ADAMTSL3: variants seen among roughly 807,000 people sequenced by gnomAD.
The protein encoded by ADAMTSL3 is ADAMTS-like protein 3.
ADAMTSL3 carries 128 observed loss-of-function variants against 201.7 expected under a neutral mutation model. The observed-to-expected ratio is 0.63, with a 90% CI of 0.55 to 0.73. ADAMTSL3 has a LOEUF of 0.73. ADAMTSL3 is among the 30% of genes least tolerant of loss of function. The probability of loss-of-function intolerance (pLI) is 0.00; values close to 1 mark genes in which losing one functional copy is unlikely to be tolerated. For synonymous variants in ADAMTSL3, 738 were observed against 748.4 expected (o/e 0.99, Z 0.23); for missense variants, 1,990 against 2,119.6 (o/e 0.94, Z 1.20).
chr15:83,742,200 T>A (rs1189952488), intron 3 of ADAMTSL3, among the ~76,000 whole-genome samples: 1 of 152,108 alleles, frequency 6.6e-6, no homozygotes, highest in Non-Finnish European at 1.5e-5. Flanking sequence ...TCTAGCCACT[T>A]GTAAATTGAA....
chr15:83,658,288 C>T (rs1233710073), intron 2 of ADAMTSL3, among the ~76,000 whole-genome samples: 7 of 152,026 alleles, frequency 4.6e-5, no homozygotes, highest in Non-Finnish European at 8.8e-5. Context: ...TTTGTATTAT[C>T]GGTAGAGATG....
At chr15:83,942,520 C>T in intron 17 of ADAMTSL3, 76 bp from the exon 18 acceptor site, 1 of 1,399,226 alleles carries the variant, frequency 7.1e-7, no homozygotes. Context: ...AGGAGAGCTT[C>T]ACGTTGTTCA....
chr15:83,900,262 C>T (rs1439143658), intron 15 of ADAMTSL3, among the ~76,000 whole-genome samples: 1 of 152,146 alleles, frequency 6.6e-6, no homozygotes. Flanking sequence ...ATAAAAGGAG[C>T]AGGTTGGGCT....
At chr15:83,855,505 A>G (rs1490017575) in intron 7 of ADAMTSL3, among the ~76,000 whole-genome samples, 1 of 152,274 alleles carries the variant, frequency 6.6e-6, no homozygotes, top group Middle Eastern at 3.4e-3. Context: ...AGGTCAAATA[A>G]TAATTGGGAA....
chr15:83,952,051 T>C (rs966713380), intron 19 of ADAMTSL3, among the ~76,000 whole-genome samples: 8 of 152,162 alleles, frequency 5.3e-5, no homozygotes, highest in Non-Finnish European at 1.2e-4. Context: ...TGTTAGGTTG[T>C]TTACTTGAAG....
intron 3 of ADAMTSL3, among the ~76,000 whole-genome samples, chr15:83,729,061 G>A (rs2062225223): frequency 6.6e-6 from 1 of 151,954 alleles, no homozygotes; most frequent in Non-Finnish European, 1.5e-5. Context: ...TCTTTCAGCA[G>A]TTTACATATG....
At position 84,038,020 on chromosome 15, in the gene ADAMTSL3, A is replaced by G. The variant is rs2068542223; in HGVS notation, c.*214A>G. ...ATTTTTTAAAATGATGTATTCAAGG[A>G]TGAACAAAATACTATAGCATGCATG... On this transcript the variant is annotated 3_prime_UTR_variant, in exon 30 of 30. Coordinates refer to ENST00000286744, the MANE Select transcript of ADAMTSL3 (RefSeq NM_207517.3). 3.0e-6 allele frequency: 2 copies of G among 665,090 alleles called. No individual in the cohort carries two copies. The highest frequency in any genetic ancestry group is 4.8e-6 in the Non-Finnish European group (2 of 419,394). 41.2% of individuals were successfully genotyped at this position (665,090 alleles called of 1,614,324 possible).
intron 6 of ADAMTSL3, among the ~76,000 whole-genome samples, chr15:83,826,043 A>G (rs1567171594): frequency 1.3e-5 from 2 of 152,206 alleles, no homozygotes; most frequent in Non-Finnish European, 2.9e-5. Context: ...AGTATGGGAT[A>G]ACAAGAGCTT....
chr15:83,892,762 G>C lies in ADAMTSL3; in HGVS notation c.1341G>C (p.Glu447Asp), dbSNP rs761697987. The C allele has an allele frequency of 1.2e-6, 2 of 1,614,122 alleles. No homozygotes were observed. The highest frequency in any genetic ancestry group is 1.7e-6 in the Non-Finnish European group (2 of 1,179,994). The change falls in exon 13 of 30, where the codon GAG becomes GAC. Residue 447 changes from glutamate (E) to aspartate (D), a missense_variant. Physicochemically the swap from Glu to Asp is conservative, Grantham distance 45 (BLOSUM62 2). Coordinates refer to ENST00000286744, the MANE Select transcript of ADAMTSL3 (RefSeq NM_207517.3). ...AGAGACGGAGCTTTGTGTGTGTAGA[G>C]GAATCCATGCATGGAGAGATATTGC... ...GIQRRSFVCV[E>D]ESMHGEILQV...
chr15:83,822,222 C>T (rs1197734028), intron 6 of ADAMTSL3, among the ~76,000 whole-genome samples: 2 of 150,612 alleles, frequency 1.3e-5, no homozygotes, highest in Admixed American at 1.3e-4. Context: ...GGCGGAGACG[C>T]TCCTCACTTC....
At chr15:83,858,128 C>T (rs1017974210) in intron 7 of ADAMTSL3, among the ~76,000 whole-genome samples, 6 of 152,130 alleles carry the variant, frequency 3.9e-5, no homozygotes, top group African/African-American at 1.4e-4. Context: ...TTCATTACTA[C>T]AACTCAATTC....
chr15:83,665,748 GA>G (rs1352020142), intron 2 of ADAMTSL3, among the ~76,000 whole-genome samples: 2 of 152,146 alleles, frequency 1.3e-5, no homozygotes, highest in African/African-American at 4.8e-5. Context: ...TTACTTTCTG[GA>G]ATTTGTCAGC....
At chr15:83,688,517 C>CT (rs35692526) in intron 2 of ADAMTSL3, among the ~76,000 whole-genome samples, 37,291 of 147,814 alleles carry the variant, frequency 0.25, 5,407 homozygotes, top group Admixed American at 0.38. Context: ...ATAACAGACT[C>CT]TTTTTTTTTT....
intron 20 of ADAMTSL3, among the ~76,000 whole-genome samples, chr15:83,974,788 T>G (rs890197922): frequency 1.3e-5 from 2 of 152,172 alleles, no homozygotes; most frequent in Non-Finnish European, 2.9e-5. Context: ...ATTATGACTT[T>G]TAGGGTTCCT....
chr15:84,036,587 G>A (rs1330565416), intron 28 of ADAMTSL3, among the ~76,000 whole-genome samples, 186 bp from the exon 29 acceptor site: 2 of 152,182 alleles, frequency 1.3e-5, no homozygotes, highest in Non-Finnish European at 2.9e-5. Flanking sequence ...CCAGGTGGTG[G>A]AGAATGTTGT....
At position 83,852,595 on chromosome 15, in the gene ADAMTSL3, C is replaced by G. The variant is rs8034044; in HGVS notation, c.728-6171C>G. 8.3e-3 allele frequency among the ~76,000 whole-genome samples: 1,265 copies of G among 152,184 alleles called. 14 individuals are homozygous for G. Among genetic ancestry groups the G allele is most frequent in the African/African-American group, 0.028 (1,167 of 41,520 alleles). ...ATTTCTCTTCTCTCTTCATAATCTTCTTGACATTTTGATTTTTCTGTGAAC... is the reference window on the plus strand; with the variant it reads ...ATTTCTCTTCTCTCTTCATAATCTTGTTGACATTTTGATTTTTCTGTGAAC... On this transcript the variant is annotated intron_variant, in intron 7 of 29. Coordinates refer to ENST00000286744, the MANE Select transcript of ADAMTSL3 (RefSeq NM_207517.3).
chr15:83,906,240 T>C (rs2065830143), intron 15 of ADAMTSL3, among the ~76,000 whole-genome samples: 1 of 152,226 alleles, frequency 6.6e-6, no homozygotes. Context: ...CATAAAACTT[T>C]AGAGTTGTAT....
intron 3 of ADAMTSL3, among the ~76,000 whole-genome samples, chr15:83,769,438 A>G (rs2141733526): frequency 6.6e-6 from 1 of 152,364 alleles, no homozygotes; most frequent in Non-Finnish European, 1.5e-5. Flanking sequence ...TGTTATAGAC[A>G]GGGCACAGTT....
intron 2 of ADAMTSL3, among the ~76,000 whole-genome samples, chr15:83,660,303 C>T (rs2061145023): frequency 1.3e-5 from 2 of 152,222 alleles, no homozygotes; most frequent in Middle Eastern, 3.2e-3. Flanking sequence ...CCAGTTACCC[C>T]TGCTATTGCT....
Sources: gnomAD v4.1 joint callset for allele counts (sites outside exome capture counted in the v4.1 genomes callset) on GRCh38, gnomAD v4.1.1 for gene constraint, MANE v1.5 for transcripts, NCBI Gene and HGNC (gene_info 2026-07-23, HGNC 2026-07-21) for gene names.